The following STK35 variants were observed in gnomAD, a reference collection of about 807,000 sequenced individuals.
STK35 encodes the protein serine/threonine-protein kinase 35.
In STK35, 17 loss-of-function variants were observed where a neutral mutation model predicts 37.3. The ratio of observed to expected loss-of-function variants is 0.46; its 90% CI spans 0.31 to 0.68. The LOEUF is 0.68. STK35 is among the 30% of genes least tolerant of loss of function. STK35 has a pLI of 0.05. For synonymous variants in STK35, 385 were observed against 319.1 expected, an observed-to-expected ratio of 1.21 and a Z score of -2.20; for missense variants, 595 against 746.7, an observed-to-expected ratio of 0.80 and a Z score of 2.37.
At chr20:2,127,019 T>C (rs181688785) in intron 3 of STK35, among the ~76,000 whole-genome samples, 138 of 152,304 alleles carry the variant, frequency 9.1e-4, no homozygotes, top group African/African-American at 3.3e-3. Flanking sequence ...GATGTGGGGC[T>C]TGGGGAAGTC....
intron 2 of STK35, among the ~76,000 whole-genome samples, chr20:2,111,985 G>C (rs574720301): frequency 2.0e-5 from 3 of 152,288 alleles, no homozygotes; most frequent in African/African-American, 7.2e-5. Context: ...CCGCTTCCTA[G>C]TTCTCACAGC....
chr20:2,129,731 C>T (rs1006591986), intron 3 of STK35, among the ~76,000 whole-genome samples: 2 of 152,078 alleles, frequency 1.3e-5, no homozygotes, highest in African/African-American at 4.8e-5. Flanking sequence ...AAAATGAGGA[C>T]CTGCCCAAGG....
chr20:2,145,847 C>G lies in STK35; in HGVS notation c.*2101C>G, dbSNP rs750024417. 1 of 152,248 alleles carries G rather than the reference C, an allele frequency of 6.6e-6. No individual in the cohort carries two copies. Among genetic ancestry groups the G allele is most frequent in the East Asian group, 1.9e-4 (1 of 5,186 alleles). 9.4% of individuals were successfully genotyped at this position (152,248 alleles called of 1,614,324 possible). ...AACAGTCCCCAAACCCAGCACCCCCCTCTCCCTGGCTGCAGCCCACACTGT... is the reference window on the plus strand; with the variant it reads ...AACAGTCCCCAAACCCAGCACCCCCGTCTCCCTGGCTGCAGCCCACACTGT... On this transcript the variant is annotated 3_prime_UTR_variant, in exon 4 of 4. Coordinates refer to ENST00000381482, the MANE Select transcript of STK35 (RefSeq NM_080836.4).
intron 2 of STK35, among the ~76,000 whole-genome samples, chr20:2,105,851 A>G (rs1985505494): frequency 2.0e-5 from 3 of 152,222 alleles, no homozygotes; most frequent in Admixed American, 6.5e-5. Flanking sequence ...GTTGACAGAA[A>G]CACTGGTGTT....
Position 2,102,119 on chromosome 20 carries a change from C to T in STK35, c.238C>T (p.Gln80Ter), listed in dbSNP as rs1030813331. Residue 80 changes from glutamine to a stop codon, truncating the protein, a stop_gained, in exon 1 of 4, where the codon CAG becomes TAG. Transcript: ENST00000381482. LOFTEE classifies it high-confidence loss of function. ...RQPGPGADHP[Q>*]AGAPGGKRAA... ...GCCCGGGCCCGGAGCGGACCATCCC[C>T]AGGCAGGGGCTCCAGGGGGGAAACG... The T allele has an allele frequency of 1.4e-6, 2 of 1,427,574 alleles. No individual in the cohort carries two copies. The highest frequency in any genetic ancestry group is 1.4e-5 in the South Asian group (1 of 73,336). The allele number at this position is 1,427,574 out of a possible 1,614,324, so 88.4% of individuals were successfully genotyped here. A position where few individuals can be genotyped will look rare whatever the true frequency, so the allele number is the denominator to read the frequency against.
In STK35 at chr20:2,144,813, C is replaced by T. The variant is rs1387952296; in HGVS notation, c.*1067C>T. 3 of 152,952 alleles carry T rather than the reference C, an allele frequency of 2.0e-5. No homozygotes were observed. Among genetic ancestry groups the T allele is most frequent in the Non-Finnish European group, 4.4e-5 (3 of 68,232 alleles). 9.5% of individuals were successfully genotyped at this position (152,952 alleles called of 1,614,324 possible). On this transcript the variant is annotated 3_prime_UTR_variant, in exon 4 of 4. Coordinates refer to ENST00000381482, the MANE Select transcript of STK35 (RefSeq NM_080836.4). ...ATGATAACAGGGTGTCCTGAACTGGCTGCCGTTGTCGTGTTCTCACAGTGA... is the reference window on the plus strand; with the variant it reads ...ATGATAACAGGGTGTCCTGAACTGGTTGCCGTTGTCGTGTTCTCACAGTGA...
At chr20:2,116,504 C>G (rs976953124) in intron 2 of STK35, among the ~76,000 whole-genome samples, 162 bp from the exon 3 acceptor site, 1 of 152,196 alleles carries the variant, frequency 6.6e-6, no homozygotes, top group Non-Finnish European at 1.5e-5. Flanking sequence ...TCCCTGGTGC[C>G]TGTGTCATAC....
At chr20:2,134,747 C>T (rs1339342989) in intron 3 of STK35, among the ~76,000 whole-genome samples, 10 of 152,084 alleles carry the variant, frequency 6.6e-5, no homozygotes, top group Non-Finnish European at 7.4e-5. Flanking sequence ...AAAAATTAGC[C>T]GGGCGTCATG....
chr20:2,140,871 T>C (rs1986161381), intron 3 of STK35, among the ~76,000 whole-genome samples: 2 of 152,196 alleles, frequency 1.3e-5, no homozygotes, highest in Non-Finnish European at 2.9e-5. Flanking sequence ...TCTGCTAGTT[T>C]ATTATGTAAA....
At chr20:2,116,619 G>T in intron 2 of STK35, 47 bp from the exon 3 acceptor site, 1 of 1,563,032 alleles carries the variant, frequency 6.4e-7, no homozygotes, top group South Asian at 1.2e-5. Flanking sequence ...AAAGAAGTGT[G>T]ACTGTGTCCA....
intron 3 of STK35, among the ~76,000 whole-genome samples, chr20:2,120,842 C>T (rs763905264): frequency 9.9e-5 from 15 of 151,008 alleles, no homozygotes; most frequent in Admixed American, 3.3e-4. Flanking sequence ...GTGCTGGGTG[C>T]GGTGAGAGGG....
Position 2,103,278 on chromosome 20 carries a change from C to T in STK35, c.805C>T (p.Leu269=), listed in dbSNP as rs376086968. The change falls in exon 2 of 4, where the codon CTG becomes TTG. Residue 269 remains leucine (L), a synonymous_variant. Transcript: ENST00000381482. ...QNVVQFEECV[L]QRNGLAQRMS... The stretch of plus-strand genomic sequence containing the variant: ...CGTCGTGCAGTTTGAGGAGTGCGTC[C>T]TGCAGCGCAATGGGTTAGCCCAGCG... 1.9e-6 allele frequency: 3 copies of T among 1,613,156 alleles called. No homozygotes were observed. The South Asian group carries it at 3.3e-5, about 18-fold the overall frequency.
chr20:2,121,576 G>A (rs755129041), intron 3 of STK35, among the ~76,000 whole-genome samples: 4 of 152,182 alleles, frequency 2.6e-5, no homozygotes, highest in Non-Finnish European at 4.4e-5. Flanking sequence ...GTAGGCAGTT[G>A]GATGAGTCTG....
Position 2,116,854 on chromosome 20 carries a change from C to T in STK35, c.1081C>T (p.Leu361=). The change falls in exon 3 of 4, where the codon CTG becomes TTG. Residue 361 remains leucine, a synonymous_variant. Coordinates refer to ENST00000381482, the MANE Select transcript of STK35 (RefSeq NM_080836.4). ...CAAAAACCATATTGTGCACAGGGAC[C>T]TGAAGCCAGACAACATCCTCATCAC... The part of the protein sequence containing the change: ...LHKNHIVHRD[L]KPDNILITER... The T allele has an allele frequency of 6.2e-7, 1 of 1,614,188 alleles. No individual in the cohort carries two copies. The highest frequency in any genetic ancestry group is 1.1e-5 in the South Asian group (1 of 91,080).
chr20:2,136,083 C>CA (rs58536249), intron 3 of STK35, among the ~76,000 whole-genome samples: 10,513 of 152,210 alleles, frequency 0.069, 985 homozygotes, highest in African/African-American at 0.21. Flanking sequence ...AACCTCTTAC[C>CA]ATACCTAACT....
At chr20:2,137,797 G>T (rs931845915) in intron 3 of STK35, among the ~76,000 whole-genome samples, 1 of 152,086 alleles carries the variant, frequency 6.6e-6, no homozygotes, top group Non-Finnish European at 1.5e-5. Flanking sequence ...TGGGGCCACC[G>T]AACCCCCAGG....
At chr20:2,131,047 G>A (rs567757825) in intron 3 of STK35, among the ~76,000 whole-genome samples, 1 of 152,336 alleles carries the variant, frequency 6.6e-6, no homozygotes, top group South Asian at 2.1e-4. Flanking sequence ...ATATACTCAT[G>A]CGTCACTTAA....
At chr20:2,129,812 A>G (rs1985968774) in intron 3 of STK35, among the ~76,000 whole-genome samples, 3 of 152,048 alleles carry the variant, frequency 2.0e-5, no homozygotes, top group Non-Finnish European at 4.4e-5. Context: ...TCTGCCAAGC[A>G]GAGGAGGAGG....
intron 2 of STK35, among the ~76,000 whole-genome samples, chr20:2,113,227 G>GT (rs1436381686): frequency 2.0e-5 from 3 of 152,212 alleles, no homozygotes; most frequent in Non-Finnish European, 4.4e-5. Context: ...GGAAGACTGA[G>GT]TAAGAAATCT....
Sources: allele counts gnomAD v4.1 joint callset (sites outside exome capture counted in the v4.1 genomes callset), GRCh38; gene constraint gnomAD v4.1.1; transcripts MANE v1.5; gene names NCBI Gene and HGNC (gene_info 2026-07-23, HGNC 2026-07-21).